The following TET2 variants were observed in gnomAD, a reference collection of about 807,000 sequenced individuals.
TET2 encodes methylcytosine dioxygenase TET2.
In TET2, 299 loss-of-function variants were observed where a neutral mutation model predicts 142.9. The observed-to-expected ratio is 2.09, with a 90% CI of 1.90 to 2.30. The LOEUF (loss-of-function observed/expected upper bound fraction) is 2.30. TET2 is among the 30% of genes most tolerant of loss of function. The pLI is 0.00. For missense variants in TET2, 2,418 were observed against 2,378.0 expected, an observed-to-expected ratio of 1.02 and a Z score of -0.35; for synonymous variants, 819 against 849.0, an observed-to-expected ratio of 0.96 and a Z score of 0.61.
intron 1 of TET2, among the ~76,000 whole-genome samples, chr4:105,182,314 C>G (rs1327848163): frequency 6.6e-6 from 1 of 152,140 alleles, no homozygotes; most frequent in Non-Finnish European, 1.5e-5. Context: ...AGCTCCTTCC[C>G]CATTACTCCC....
chr4:105,229,287 C>G (rs1422057767), intron 2 of TET2, among the ~76,000 whole-genome samples: 1 of 152,110 alleles, frequency 6.6e-6, no homozygotes, highest in Non-Finnish European at 1.5e-5. Context: ...AAAAACATCA[C>G]TTTGTTTTCT....
chr4:105,226,110 C>T (rs1467917364), intron 2 of TET2, among the ~76,000 whole-genome samples: 2 of 151,880 alleles, frequency 1.3e-5, no homozygotes, highest in Admixed American at 1.3e-4. Flanking sequence ...AAAAAAAAAG[C>T]TTAAATTGTT....
At chr4:105,169,773 G>C (rs1319681224) in intron 1 of TET2, among the ~76,000 whole-genome samples, 3 of 152,252 alleles carry the variant, frequency 2.0e-5, no homozygotes, top group African/African-American at 7.2e-5. Context: ...GAGAGATGAG[G>C]ATCTAGTTTC....
In TET2 at chr4:105,259,714, T is replaced by C; in HGVS notation, c.3899T>C (p.Phe1300Ser). 2 of 1,551,114 alleles carry C rather than the reference T, an allele frequency of 1.3e-6. No homozygotes were observed. Among genetic ancestry groups the C allele is most frequent in the Non-Finnish European group, 1.7e-6 (2 of 1,146,568 alleles). ...SWSMYYNGCK[F>S]ARSKIPRKFK... Reference sequence around the variant, plus strand: ...AGCATGTACTACAATGGATGTAAGTTTGCCAGAAGCAAGATCCCAAGGAAG... The same window carrying C: ...AGCATGTACTACAATGGATGTAAGTCTGCCAGAAGCAAGATCCCAAGGAAG... Residue 1300 changes from phenylalanine (F) to serine (S), a missense_variant, in exon 7 of 11, where the codon TTT becomes TCT. Transcript: ENST00000380013.
intron 9 of TET2, among the ~76,000 whole-genome samples, chr4:105,270,542 T>A (rs1730901044): frequency 6.6e-6 from 1 of 152,154 alleles, no homozygotes; most frequent in Admixed American, 6.5e-5. Flanking sequence ...AAACACATCA[T>A]CATTGTCACA....
intron 4 of TET2, chr4:105,241,995 G>A: frequency 2.4e-6 from 3 of 1,237,536 alleles, no homozygotes; most frequent in Non-Finnish European, 3.0e-6. Flanking sequence ...CTTTACTCCT[G>A]CATGTAGAAG....
chr4:105,220,860 T>G (rs1180241375), intron 2 of TET2, among the ~76,000 whole-genome samples: 2 of 152,152 alleles, frequency 1.3e-5, no homozygotes, highest in Non-Finnish European at 2.9e-5. Flanking sequence ...CACCCCACAG[T>G]CTCTTTCTGC....
Position 105,260,380 on chromosome 4 carries a change from T to A in TET2, c.3954+611T>A, listed in dbSNP as rs1451501495. ...TGTAGTCTAGAGTATAGATACTTCT[T>A]GACTTATGAGGAGACTACATTCCTA... On this transcript the variant is annotated intron_variant, in intron 7 of 10. Coordinates refer to ENST00000380013, the MANE Select transcript of TET2 (RefSeq NM_001127208.3). Among the ~76,000 whole-genome samples, 3 of 152,256 alleles carry A rather than the reference T, an allele frequency of 2.0e-5. No individual in the cohort carries two copies. The East Asian group carries it at 5.8e-4, about 29-fold the overall frequency.
At chr4:105,261,421 G>A (rs1290114754) in intron 7 of TET2, among the ~76,000 whole-genome samples, 1 of 152,006 alleles carries the variant, frequency 6.6e-6, no homozygotes, top group Non-Finnish European at 1.5e-5. Flanking sequence ...TCTTTTAATA[G>A]TTCATCTTCC....
At chr4:105,148,245 T>C (rs1578520272) in intron 1 of TET2, among the ~76,000 whole-genome samples, 1 of 152,360 alleles carries the variant, frequency 6.6e-6, no homozygotes, top group South Asian at 2.1e-4. Flanking sequence ...ATTTGCTGGT[T>C]ATTCCCCTCA....
chr4:105,202,811 G>A (rs888528442), intron 2 of TET2, among the ~76,000 whole-genome samples: 6 of 152,152 alleles, frequency 3.9e-5, no homozygotes, highest in Non-Finnish European at 8.8e-5. Flanking sequence ...TAATAGAATT[G>A]CTGTCAACAA....
chr4:105,151,217 AGACTGAGATAGGAG>A (rs1385230880), intron 1 of TET2, among the ~76,000 whole-genome samples: 2 of 152,130 alleles, frequency 1.3e-5, no homozygotes, highest in Non-Finnish European at 2.9e-5. Context: ...GCTACTCAGG[AGACTGAGATAGGAG>A]GATGGATTGA....
intron 6 of TET2, among the ~76,000 whole-genome samples, chr4:105,257,894 G>C (rs949917514): frequency 2.0e-5 from 3 of 152,150 alleles, no homozygotes; most frequent in African/African-American, 7.2e-5. Flanking sequence ...ATAAAGTAAA[G>C]ATAACCTTAC....
At chr4:105,190,333 A>G (rs1458166354) in intron 1 of TET2, 27 bp from the exon 2 acceptor site, 10 of 625,098 alleles carry the variant, frequency 1.6e-5, no homozygotes, top group Non-Finnish European at 2.8e-6. Flanking sequence ...TGCTAACTTA[A>G]AAATGTTCAA....
chr4:105,236,645 T>C lies in TET2; in HGVS notation c.2703T>C (p.Asn901=), dbSNP rs767877746. Residue 901 remains asparagine, a synonymous_variant, in exon 3 of 11, where the codon AAT becomes AAC. Coordinates refer to ENST00000380013, the MANE Select transcript of TET2 (RefSeq NM_001127208.3). The part of the protein sequence containing the change: ...QQASVLQGYK[N]RNQDMSGQQA... Reference sequence around the variant, plus strand: ...CTTCAGTTCTACAGGGATATAAAAATAGAAACCAAGATATGTCTGGTCAAC... The same window carrying C: ...CTTCAGTTCTACAGGGATATAAAAACAGAAACCAAGATATGTCTGGTCAAC... 10 of 1,614,018 alleles carry C rather than the reference T, an allele frequency of 6.2e-6. No homozygotes were observed. In the South Asian group the frequency reaches 9.9e-5, roughly 16 times the overall value.
At position 105,256,816 on chromosome 4, in the gene TET2, T is replaced by C. The variant is rs147974486; in HGVS notation, c.3804-2803T>C. ...AGACTGAATAATCTCAATTGACTTA[T>C]CTTCAAGTCCCTTTTTCCCCTCCTT... On this transcript the variant is annotated intron_variant, in intron 6 of 10. Transcript: ENST00000380013. Among the ~76,000 whole-genome samples, 66 of 152,286 alleles carry C rather than the reference T, an allele frequency of 4.3e-4. 1 individual carries two copies. Among genetic ancestry groups the C allele is most frequent in the African/African-American group, 1.5e-3 (64 of 41,574 alleles).
intron 1 of TET2, among the ~76,000 whole-genome samples, chr4:105,184,982 A>G (rs1725341220): frequency 6.6e-6 from 1 of 152,216 alleles, no homozygotes; most frequent in Admixed American, 6.5e-5. Flanking sequence ...GGGAAGGACT[A>G]AATTCAGCAT....
chr4:105,193,323 C>T (rs1725896663), intron 2 of TET2, among the ~76,000 whole-genome samples: 1 of 152,018 alleles, frequency 6.6e-6, no homozygotes, highest in South Asian at 2.1e-4. Flanking sequence ...AAAAAGGCGA[C>T]CTTGTATAAA....
Position 105,272,919 on chromosome 4 carries a change from G to A in TET2, c.4537+1G>A, listed in dbSNP as rs1731037408. The stretch of plus-strand genomic sequence containing the variant: ...GCAAGCCAGGCTAAACAGTTGGCAG[G>A]TAAATTTAATGTAAAGCATTTGTAG... On this transcript the variant is annotated splice_donor_variant, in intron 10 of 10. Coordinates refer to ENST00000380013, the MANE Select transcript of TET2 (RefSeq NM_001127208.3). LOFTEE classifies it high-confidence loss of function. The A allele has an allele frequency of 2.6e-6, 4 of 1,518,582 alleles. No homozygotes were observed. Among genetic ancestry groups the A allele is most frequent in the Non-Finnish European group, 3.5e-6 (4 of 1,133,460 alleles). 94.1% of individuals were successfully genotyped at this position (1,518,582 alleles called of 1,614,324 possible).
Sources: gnomAD v4.1 joint callset for allele counts (sites outside exome capture counted in the v4.1 genomes callset) on GRCh38, gnomAD v4.1.1 for gene constraint, MANE v1.5 for transcripts, NCBI Gene and HGNC (gene_info 2026-07-23, HGNC 2026-07-21) for gene names.